The following DCAF6 variants were observed in gnomAD, a reference collection of about 807,000 sequenced individuals.
DCAF6 encodes DDB1- and CUL4-associated factor 6.
A neutral mutation model predicts 125.1 loss-of-function variants in DCAF6; 54 were observed. The observed-to-expected ratio is 0.43, with a 90% CI of 0.35 to 0.54. The LOEUF is 0.54. Ranked by LOEUF, DCAF6 falls within the 20% of genes least tolerant of loss-of-function variation. The pLI, the probability that DCAF6 is intolerant of heterozygous loss-of-function variation, is 0.01. For missense variants in DCAF6, 934 were observed against 1,161.7 expected (o/e 0.80, Z 2.85); for synonymous variants, 371 against 390.4 (o/e 0.95, Z 0.58).
At chr1:167,969,357 A>C (rs986744183) in intron 3 of DCAF6, 8 of 152,202 alleles carry the variant, frequency 5.3e-5, no homozygotes, top group Admixed American at 3.9e-4. Context: ...GCTAGGTTCT[A>C]GTGAAATGCT....
chr1:168,050,466 C>T (rs931832736), intron 16 of DCAF6, among the ~76,000 whole-genome samples: 2 of 152,114 alleles, frequency 1.3e-5, no homozygotes, highest in Non-Finnish European at 2.9e-5. Flanking sequence ...ATTCTTTGCT[C>T]ATTTGTTATA....
intron 2 of DCAF6, among the ~76,000 whole-genome samples, chr1:167,953,845 C>T (rs905425320): frequency 2.2e-4 from 34 of 152,096 alleles, no homozygotes; most frequent in Admixed American, 1.5e-3. Context: ...GTGATCTGCC[C>T]GCCTTGGCCT....
At chr1:168,003,615 T>C (rs922381201) in intron 8 of DCAF6, among the ~76,000 whole-genome samples, 3 of 152,038 alleles carry the variant, frequency 2.0e-5, no homozygotes, top group Admixed American at 6.6e-5. Flanking sequence ...TACCTAAGAA[T>C]AGGCAAAGAT....
At chr1:168,040,998 A>T (rs1688459671) in intron 13 of DCAF6, among the ~76,000 whole-genome samples, 1 of 151,608 alleles carries the variant, frequency 6.6e-6, no homozygotes, top group Non-Finnish European at 1.5e-5. Context: ...TTGGCAACAG[A>T]TGAGGCAATA....
Position 167,941,105 on chromosome 1 carries a change from T to C in DCAF6, c.97+4097T>C, listed in dbSNP as rs533674458. Among the ~76,000 whole-genome samples the C allele has an allele frequency of 5.9e-5, 9 of 152,334 alleles. No homozygotes were observed. In the South Asian group the frequency reaches 1.9e-3, roughly 32 times the overall value. ...TATTTATTATATGAAGATTAGTAAC[T>C]TCTGACTTTTGCCTCTTTTTTTAGC... On this transcript the variant is annotated intron_variant, in intron 1 of 21. Coordinates refer to ENST00000367840, the MANE Select transcript of DCAF6 (RefSeq NM_001198956.2).
chr1:167,925,428 G>A, the DCAF6 span, among the ~76,000 whole-genome samples: 117 of 93,006 alleles, frequency 1.3e-3, 1 homozygote, highest in Non-Finnish European at 2.0e-3. Context: ...ATAATATACA[G>A]ATATACATAT....
At chr1:167,950,384 A>G (rs1440431033) in intron 1 of DCAF6, among the ~76,000 whole-genome samples, 3 of 152,150 alleles carry the variant, frequency 2.0e-5, no homozygotes, top group Non-Finnish European at 1.5e-5. Context: ...CTGAAGTACA[A>G]CCTACTTCAT....
chr1:167,870,347 C>T, the DCAF6 span: 1 of 1,613,660 alleles, frequency 6.2e-7, no homozygotes, highest in African/African-American at 1.3e-5. Context: ...TAAGACTTGG[C>T]TGCTGTTAGA....
chr1:167,898,493 G>A, the DCAF6 span, among the ~76,000 whole-genome samples: 4,491 of 152,060 alleles, frequency 0.03, 223 homozygotes, highest in African/African-American at 0.1. Flanking sequence ...CCAGCGACTC[G>A]GAAGGTTGAG....
chr1:167,924,071 A>T, the DCAF6 span, among the ~76,000 whole-genome samples: 6 of 152,328 alleles, frequency 3.9e-5, no homozygotes, highest in South Asian at 2.1e-4. Flanking sequence ...AAATGCTAAT[A>T]TTTATATTCG....
chr1:168,022,205 A>T (rs75974334), intron 11 of DCAF6, among the ~76,000 whole-genome samples: 1 of 152,302 alleles, frequency 6.6e-6, no homozygotes, highest in African/African-American at 2.4e-5. Context: ...GCCTGCCTTA[A>T]TACCAGTGTT....
At chr1:167,868,606 C>T in the DCAF6 span, among the ~76,000 whole-genome samples, 526 of 144,306 alleles carry the variant, frequency 3.6e-3, no homozygotes, top group African/African-American at 0.014. Flanking sequence ...ATAGAACCTA[C>T]GCTAAGCTGC....
At chr1:168,028,577 C>T (rs1364220653) in intron 12 of DCAF6, among the ~76,000 whole-genome samples, 1 of 152,046 alleles carries the variant, frequency 6.6e-6, no homozygotes, top group African/African-American at 2.4e-5. Context: ...GTTAATTTTC[C>T]ACTATGTATC....
intron 4 of DCAF6, among the ~76,000 whole-genome samples, chr1:167,984,836 A>G (rs1326805779): frequency 6.6e-6 from 1 of 152,204 alleles, no homozygotes; most frequent in African/African-American, 2.4e-5. Flanking sequence ...ATTAAAAATT[A>G]TGTATAGTTC....
rs552208317 is a variant in DCAF6, at chr1:167,967,714, C to CTTTTTTTTTTTT, written c.252+1008_252+1019dup. On this transcript the variant is annotated intron_variant, in intron 3 of 21. Coordinates refer to ENST00000367840, the MANE Select transcript of DCAF6 (RefSeq NM_001198956.2). ...CCTGATTGTCTTAAATTTCCTGTAT[C>CTTTTTTTTTTTT]TTTTTTTTTTTTTTTTTTTTTTTTT... Among the ~76,000 whole-genome samples the CTTTTTTTTTTTT allele has an allele frequency of 6.3e-4, 47 of 74,578 alleles. 1 individual carries two copies. Among genetic ancestry groups the CTTTTTTTTTTTT allele is most frequent in the African/African-American group, 2.3e-3 (44 of 18,982 alleles). The allele number at this position is 74,578 out of a possible 152,430, so 48.9% of individuals were successfully genotyped here. A position where few individuals can be genotyped will look rare whatever the true frequency, so the allele number is the denominator to read the frequency against.
intron 12 of DCAF6, 45 bp downstream of exon 12, chr1:168,023,092 T>C: frequency 6.4e-7 from 1 of 1,571,116 alleles, no homozygotes; most frequent in East Asian, 2.2e-5. Flanking sequence ...TCCATAGCTT[T>C]ATTGCAATGC....
At chr1:168,010,469 C>A (rs907844397) in intron 10 of DCAF6, among the ~76,000 whole-genome samples, 1 of 151,718 alleles carries the variant, frequency 6.6e-6, no homozygotes, top group Non-Finnish European at 1.5e-5. Flanking sequence ...AATTTAAAAT[C>A]AGTTGATGGA....
intron 7 of DCAF6, 98 bp from the exon 8 acceptor site, chr1:168,002,384 G>A (rs1026382774): frequency 1.6e-5 from 16 of 1,012,820 alleles, no homozygotes; most frequent in Admixed American, 1.5e-4. Flanking sequence ...TACTCAAGAA[G>A]TAGGGAGATG....
intron 4 of DCAF6, among the ~76,000 whole-genome samples, chr1:167,978,317 G>A (rs1034551287): frequency 2.0e-5 from 3 of 152,114 alleles, no homozygotes; most frequent in East Asian, 1.9e-4. Context: ...GTGTAGTAAC[G>A]ACTTACATTC....
Sources: allele counts gnomAD v4.1 joint callset (sites outside exome capture counted in the v4.1 genomes callset), GRCh38; gene constraint gnomAD v4.1.1; transcripts MANE v1.5; gene names NCBI Gene and HGNC (gene_info 2026-07-23, HGNC 2026-07-21).